Variants in DYNC2I1 observed in about 807,000 individuals in gnomAD.
The protein encoded by DYNC2I1 is cytoplasmic dynein 2 intermediate chain 1.
In DYNC2I1, 89 loss-of-function variants were observed where a neutral mutation model predicts 133.4. The ratio of observed to expected loss-of-function variants is 0.67; its 90% CI spans 0.56 to 0.80. The LOEUF (loss-of-function observed/expected upper bound fraction) is 0.80, where lower values mean the gene tolerates loss of function less well. Ranked by LOEUF, DYNC2I1 falls within the 30% of genes least tolerant of loss-of-function variation. The pLI, the probability that DYNC2I1 is intolerant of heterozygous loss-of-function variation, is 0.00. For missense variants in DYNC2I1, 1,291 were observed against 1,314.5 expected (o/e 0.98, Z 0.28); for synonymous variants, 504 against 484.3 (o/e 1.04, Z -0.54).
At chr7:158,874,931 G>A (rs1843216012) in intron 3 of DYNC2I1, among the ~76,000 whole-genome samples, 4 of 151,960 alleles carry the variant, frequency 2.6e-5, no homozygotes. Flanking sequence ...CTGCATCCTC[G>A]CGTCCTGAGG....
intron 1 of DYNC2I1, among the ~76,000 whole-genome samples, chr7:158,864,534 G>T (rs1409471242): frequency 1.3e-5 from 2 of 152,154 alleles, no homozygotes; most frequent in African/African-American, 2.4e-5. Context: ...ATAGAGATGG[G>T]GTTTCGCTGT....
intron 20 of DYNC2I1, among the ~76,000 whole-genome samples, chr7:158,928,086 T>A (rs1233699667): frequency 6.6e-6 from 1 of 152,190 alleles, no homozygotes; most frequent in African/African-American, 2.4e-5. Context: ...TTAGACTGGA[T>A]CCCAGGGTGG....
chr7:158,934,723 A>G (rs1850577081), intron 23 of DYNC2I1, among the ~76,000 whole-genome samples, 174 bp downstream of exon 23: 1 of 152,104 alleles, frequency 6.6e-6, no homozygotes, highest in Admixed American at 6.6e-5. Flanking sequence ...TGGGACCTGT[A>G]CAGGTGCATG....
chr7:158,946,697 A>G (rs1851895792), downstream of DYNC2I1, among the ~76,000 whole-genome samples: 1 of 152,260 alleles, frequency 6.6e-6, no homozygotes, highest in African/African-American at 2.4e-5. Context: ...CATTCAAACC[A>G]TAGCACAAAG....
chr7:158,933,216 C>T (rs2657329), intron 21 of DYNC2I1, among the ~76,000 whole-genome samples: 32 of 151,814 alleles, frequency 2.1e-4, no homozygotes, highest in African/African-American at 7.7e-4. Flanking sequence ...GTTACAAATA[C>T]ATAGGCCATA....
At chr7:158,857,787 C>T (rs1366440766) in intron 1 of DYNC2I1, among the ~76,000 whole-genome samples, 6 of 120,890 alleles carry the variant, frequency 5.0e-5, no homozygotes, top group Admixed American at 1.7e-4. Flanking sequence ...CCACTGCACC[C>T]GGCCTTTTTT....
Position 158,956,263 on chromosome 7 carries a change from G to A in DYNC2I1, c.*57-320G>A, listed in dbSNP as rs1852196459. On this transcript the variant is annotated intron_variant and NMD_transcript_variant, in intron 4 of 4. Coordinates refer to the DYNC2I1 transcript ENST00000454771. ...GCATAATCTGCCCCGTGCAGAATAC[G>A]TGTCCAGCACGACCCTGAATCAGGG... Among the ~76,000 whole-genome samples, 3 of 152,316 alleles carry A rather than the reference G, an allele frequency of 2.0e-5. 1 individual carries two copies. Among genetic ancestry groups the A allele is most frequent in the South Asian group, 4.1e-4 (2 of 4,830 alleles).
chr7:158,907,273 CTTTTTTT>C (rs36062364), intron 11 of DYNC2I1, among the ~76,000 whole-genome samples: 7 of 99,724 alleles, frequency 7.0e-5, no homozygotes, highest in South Asian at 6.9e-4. Context: ...CCATGGCCTT[CTTTTTTT>C]TTTTTTTTTT....
chr7:158,895,182 T>C (rs1845648626), intron 8 of DYNC2I1, among the ~76,000 whole-genome samples: 1 of 152,246 alleles, frequency 6.6e-6, no homozygotes, highest in Admixed American at 6.5e-5. Context: ...TTTTCTTTCA[T>C]GGATTATGCT....
At chr7:158,864,124 G>T (rs570711938) in intron 1 of DYNC2I1, among the ~76,000 whole-genome samples, 6 of 151,294 alleles carry the variant, frequency 4.0e-5, no homozygotes, top group Admixed American at 1.3e-4. Flanking sequence ...CGGGTGTGGG[G>T]GGGGGAGCAG....
At chr7:158,887,266 A>T (rs1844698690) in intron 7 of DYNC2I1, among the ~76,000 whole-genome samples, 191 bp downstream of exon 7, 1 of 152,210 alleles carries the variant, frequency 6.6e-6, no homozygotes, top group Non-Finnish European at 1.5e-5. Context: ...GATTGAAAGT[A>T]AAAAGGTGGA....
rs1848175369 is a variant in DYNC2I1, at chr7:158,915,912, TCGACACGC to T, written c.1791+1592_1791+1599del. On this transcript the variant is annotated intron_variant, in intron 14 of 24. Coordinates refer to ENST00000407559, the MANE Select transcript of DYNC2I1 (RefSeq NM_018051.5). The stretch of plus-strand genomic sequence containing the variant: ...TGAGATTAAGGATGATTGTGAAACG[TCGACACGC>T]TGGTTGACATTAAGGATGATTGTGA... Among the ~76,000 whole-genome samples, 8 of 124,774 alleles carry T rather than the reference TCGACACGC, an allele frequency of 6.4e-5. No individual in the cohort carries two copies. In the East Asian group the frequency reaches 6.4e-4, roughly 10 times the overall value. The allele number at this position is 124,774 out of a possible 152,430, so 81.9% of individuals were successfully genotyped here.
At chr7:158,921,763 G>C (rs954889710) in intron 15 of DYNC2I1, among the ~76,000 whole-genome samples, 7 of 152,308 alleles carry the variant, frequency 4.6e-5, no homozygotes, top group Non-Finnish European at 5.9e-5. Flanking sequence ...CCTGCCAGCG[G>C]TGCGGTCCAG....
At chr7:158,847,919 G>C in the DYNC2I1 span, among the ~76,000 whole-genome samples, 11 of 152,196 alleles carry the variant, frequency 7.2e-5, no homozygotes, top group African/African-American at 2.4e-4. Context: ...TTTTAGATTG[G>C]TGTCATCAGC....
intron 15 of DYNC2I1, among the ~76,000 whole-genome samples, chr7:158,922,085 TC>T (rs1308413697): frequency 6.6e-6 from 1 of 152,172 alleles, no homozygotes; most frequent in African/African-American, 2.4e-5. Context: ...AGATCCCGAC[TC>T]CCGGCTTCTG....
chr7:158,884,531 A>G lies in DYNC2I1; in HGVS notation c.880-33A>G, dbSNP rs767601481. 3.8e-6 allele frequency: 6 copies of G among 1,597,766 alleles called. No individual in the cohort carries two copies. The South Asian group carries it at 6.8e-5, about 18-fold the overall frequency. ...GCTTACTTCATTCCGATATGCTAAT[A>G]AATGGTTATGGGATTATATTTTTGT... On this transcript the variant is annotated intron_variant, in intron 5 of 24. Transcript: ENST00000407559.
intron 11 of DYNC2I1, 73 bp downstream of exon 11, chr7:158,906,164 AATCG>A: frequency 2.2e-6 from 3 of 1,376,382 alleles, no homozygotes; most frequent in Non-Finnish European, 3.0e-6. Flanking sequence ...ACTTTTAAAA[AATCG>A]AGTTTTAAAA....
At chr7:158,927,810 C>T (rs1355254375) in intron 20 of DYNC2I1, among the ~76,000 whole-genome samples, 1 of 152,158 alleles carries the variant, frequency 6.6e-6, no homozygotes. Context: ...CCTCAGCCTC[C>T]CATAGTGCTG....
At chr7:158,914,139 T>G in intron 13 of DYNC2I1, 94 bp from the exon 14 acceptor site, 2 of 960,310 alleles carry the variant, frequency 2.1e-6, no homozygotes, top group Non-Finnish European at 3.1e-6. Flanking sequence ...ACTCTTAATG[T>G]TGATTTGTTA....
Sources: gnomAD v4.1 joint callset for allele counts (sites outside exome capture counted in the v4.1 genomes callset) on GRCh38, gnomAD v4.1.1 for gene constraint, MANE v1.5 for transcripts, NCBI Gene and HGNC (gene_info 2026-07-23, HGNC 2026-07-21) for gene names.